The following KCNC2 variants were observed in gnomAD, a reference collection of about 807,000 sequenced individuals.
KCNC2 encodes the protein potassium voltage-gated channel subfamily C member 2.
A neutral mutation model predicts 44.5 loss-of-function variants in KCNC2; 21 were observed. The ratio of observed to expected loss-of-function variants is 0.47; its 90% CI spans 0.33 to 0.68. The LOEUF is 0.68. KCNC2 is among the 30% of genes least tolerant of loss of function. The pLI is 0.01. For synonymous variants in KCNC2, 391 were observed against 339.1 expected, an observed-to-expected ratio of 1.15 and a Z score of -1.68; for missense variants, 589 against 826.2, an observed-to-expected ratio of 0.71 and a Z score of 3.52.
In KCNC2 at chr12:75,207,824, G is replaced by C. The variant is rs767579633; in HGVS notation, c.160C>G (p.Leu54Val). 4.4e-6 allele frequency: 7 copies of C among 1,608,276 alleles called. No individual in the cohort carries two copies. Among genetic ancestry groups the C allele is most frequent in the Non-Finnish European group, 5.9e-6 (7 of 1,178,740 alleles). ...GACAGTGGAGGCGGCGACGGCTGCAGCTTGTCGCCCGCCGTGGTCAAGCAG... is the reference window on the plus strand; with the variant it reads ...GACAGTGGAGGCGGCGACGGCTGCACCTTGTCGCCCGCCGTGGTCAAGCAG... ...GDCLTTAGDK[L>V]QPSPPPLSPP... Residue 54 changes from leucine (L) to valine (V), a missense_variant, in exon 2 of 5, where the codon CTG becomes GTG. Leu to Val is a conservative substitution (Grantham distance 32). This residue lies in a region of KCNC2 where 148 missense variants were observed against 140.1 expected (regional missense o/e 1.06). Coordinates refer to ENST00000549446, the MANE Select transcript of KCNC2 (RefSeq NM_139137.4). The surrounding 1 kb of genome is among the most constrained non-coding windows in gnomAD (Gnocchi z 4.1).
At chr12:75,054,942 T>C (rs1881581748) in intron 2 of KCNC2, among the ~76,000 whole-genome samples, 1 of 152,172 alleles carries the variant, frequency 6.6e-6, no homozygotes, top group Non-Finnish European at 1.5e-5. Context: ...AATTCTAAGC[T>C]CTTTGGATAT....
intron 2 of KCNC2, among the ~76,000 whole-genome samples, chr12:75,123,522 C>T (rs566931792): frequency 1.2e-4 from 18 of 152,284 alleles, no homozygotes; most frequent in Admixed American, 8.5e-4. Context: ...ATGTTATCTT[C>T]CCTAATTATT....
At chr12:75,135,465 T>C (rs752131500) in intron 2 of KCNC2, among the ~76,000 whole-genome samples, 6 of 151,968 alleles carry the variant, frequency 3.9e-5, no homozygotes, top group Non-Finnish European at 7.4e-5. Flanking sequence ...CCAGAGAAAA[T>C]ATAAGAGATA....
In KCNC2 at chr12:75,043,170, T is replaced by C. The variant is rs753680738; in HGVS notation, c.1852A>G (p.Thr618Ala). The C allele has an allele frequency of 1.2e-6, 2 of 1,612,550 alleles. No individual in the cohort carries two copies. The highest frequency in any genetic ancestry group is 2.2e-5 in the South Asian group (2 of 91,056). Residue 618 changes from threonine to alanine, a missense_variant, in exon 5 of 5, where the codon ACA (threonine) becomes GCA (alanine). This residue lies in a region of KCNC2 where 171 missense variants were observed against 182.4 expected (regional missense o/e 0.94). Transcript: ENST00000549446. ...GGACAAGGAGAGTTGTAGGGTGATG[T>C]TACTGGAGAGAGCCTCAGAGCATTG... is the stretch of plus-strand genomic sequence containing the variant. ...AGNALRLSPV[T>A]SPYNSPCPLR...
chr12:75,167,983 T>G (rs1891569462), intron 2 of KCNC2, among the ~76,000 whole-genome samples: 1 of 151,396 alleles, frequency 6.6e-6, no homozygotes, highest in African/African-American at 2.4e-5. Flanking sequence ...GACAACTCTT[T>G]GCTTAAAATG....
Position 75,084,290 on chromosome 12 carries a change from T to TGATAGATA in KCNC2, c.688-32981_688-32974dup, listed in dbSNP as rs56889908. Among the ~76,000 whole-genome samples the TGATAGATA allele has an allele frequency of 5.4e-3, 664 of 123,690 alleles. 5 individuals are homozygous for TGATAGATA. The highest frequency in any genetic ancestry group is 9.1e-3 in the East Asian group (40 of 4,386). 81.1% of individuals were successfully genotyped at this position (123,690 alleles called of 152,430 possible). On this transcript the variant is annotated intron_variant, in intron 2 of 4. Transcript: ENST00000549446. ...TAGATTAGATAGATAGATAGATAGA[T>TGATAGATA]GATAGATAGATAGATAGATAGATAG...
At chr12:75,197,986 A>C (rs973637375) in intron 2 of KCNC2, among the ~76,000 whole-genome samples, 2 of 152,004 alleles carry the variant, frequency 1.3e-5, no homozygotes, top group Non-Finnish European at 2.9e-5. Flanking sequence ...AAATTAAAAA[A>C]ATCTTGCAAC....
At chr12:75,049,316 C>T (rs1880912770) in intron 3 of KCNC2, among the ~76,000 whole-genome samples, 1 of 151,982 alleles carries the variant, frequency 6.6e-6, no homozygotes, top group Admixed American at 6.6e-5. Flanking sequence ...GTTGATGTTA[C>T]TTCTAAATTA....
At chr12:75,189,756 C>T (rs1348118887) in intron 2 of KCNC2, among the ~76,000 whole-genome samples, 5 of 152,162 alleles carry the variant, frequency 3.3e-5, no homozygotes, top group African/African-American at 1.2e-4. Flanking sequence ...TGTTGTCTAT[C>T]TTCATTCTAC....
intron 2 of KCNC2, among the ~76,000 whole-genome samples, chr12:75,151,032 GA>G (rs1890355334): frequency 6.6e-6 from 1 of 151,800 alleles, no homozygotes; most frequent in Non-Finnish European, 1.5e-5. Context: ...TATCAAAAAT[GA>G]TTTTTATCTT....
At chr12:75,137,012 A>G (rs951276689) in intron 2 of KCNC2, among the ~76,000 whole-genome samples, 5 of 151,904 alleles carry the variant, frequency 3.3e-5, no homozygotes, top group Non-Finnish European at 7.4e-5. Flanking sequence ...TTTTCCTCTT[A>G]TTCCTTCCCA....
chr12:75,169,001 T>C (rs755434266), intron 2 of KCNC2, among the ~76,000 whole-genome samples: 6 of 151,478 alleles, frequency 4.0e-5, no homozygotes, highest in Non-Finnish European at 8.9e-5. Flanking sequence ...ACAGATGATG[T>C]TTTTAATCAT....
At chr12:75,187,175 G>C (rs754099577) in intron 2 of KCNC2, among the ~76,000 whole-genome samples, 1 of 152,156 alleles carries the variant, frequency 6.6e-6, no homozygotes, top group Non-Finnish European at 1.5e-5. Flanking sequence ...AAACTTGTAA[G>C]AGGCTTTAAT....
intron 3 of KCNC2, among the ~76,000 whole-genome samples, chr12:75,048,861 T>G (rs1337492865): frequency 6.6e-6 from 1 of 152,168 alleles, no homozygotes; most frequent in Non-Finnish European, 1.5e-5. Context: ...TTTTTGAGCA[T>G]GCAGTGGAAC....
intron 2 of KCNC2, among the ~76,000 whole-genome samples, chr12:75,160,669 C>T (rs1014777051): frequency 6.6e-6 from 1 of 151,808 alleles, no homozygotes; most frequent in Non-Finnish European, 1.5e-5. Flanking sequence ...AAACAATATG[C>T]TTTTCTGGTA....
intron 2 of KCNC2, among the ~76,000 whole-genome samples, chr12:75,131,655 A>G (rs1418350724): frequency 2.0e-5 from 3 of 152,168 alleles, no homozygotes; most frequent in Admixed American, 1.3e-4. Flanking sequence ...AACTCAACAC[A>G]TTGTTGCTGG....
intron 2 of KCNC2, among the ~76,000 whole-genome samples, chr12:75,099,815 A>G (rs1441164922): frequency 6.6e-6 from 1 of 152,172 alleles, no homozygotes; most frequent in African/African-American, 2.4e-5. Context: ...GAGTGAACCA[A>G]ATAACTGTGA....
intron 2 of KCNC2, among the ~76,000 whole-genome samples, chr12:75,066,558 T>A (rs1356277838): frequency 6.6e-6 from 1 of 152,216 alleles, no homozygotes; most frequent in African/African-American, 2.4e-5. Flanking sequence ...ACTTTCCTAC[T>A]ACTGGGATGA....
chr12:75,089,565 C>T (rs1227838756), intron 2 of KCNC2, among the ~76,000 whole-genome samples: 1 of 151,738 alleles, frequency 6.6e-6, no homozygotes, highest in African/African-American at 2.4e-5. Flanking sequence ...GTTTCATTAA[C>T]ATCAATGAAA....
Sources: allele counts gnomAD v4.1 joint callset (sites outside exome capture counted in the v4.1 genomes callset), GRCh38; gene constraint gnomAD v4.1.1; regional missense constraint gnomAD v4.1.1; non-coding constraint Gnocchi (gnomAD v3.1); transcripts MANE v1.5; gene names NCBI Gene and HGNC (gene_info 2026-07-23, HGNC 2026-07-21).